The following ASIC2 variants were observed in gnomAD, a reference collection of about 807,000 sequenced individuals.
The protein encoded by ASIC2 is acid sensing ion channel subunit 2, also known as acid-sensing ion channel 2.
Under a neutral mutation model 57.3 loss-of-function variants are expected in ASIC2, and 25 were observed. The observed-to-expected ratio is 0.44, with a 90% CI of 0.32 to 0.61. ASIC2 has a LOEUF of 0.61. Ranked by LOEUF, ASIC2 falls within the 20% of genes least tolerant of loss-of-function variation. The probability of loss-of-function intolerance (pLI) is 0.06; values close to 1 mark genes in which losing one functional copy is unlikely to be tolerated. For synonymous variants in ASIC2, 319 were observed against 307.5 expected (o/e 1.04, Z -0.39); for missense variants, 641 against 738.1 (o/e 0.87, Z 1.52).
rs555442020 is a variant in ASIC2, at chr17:34,032,406, A to G, written c.555+123572T>C. Among the ~76,000 whole-genome samples, 61 of 152,358 alleles carry G rather than the reference A, an allele frequency of 4.0e-4. 1 individual carries two copies. The South Asian group carries it at 0.013, about 32-fold the overall frequency. Reference sequence around the variant, plus strand: ...ACAACCAGTACCAGCTGCTGCAAAAACATGCCAAATTGTAAAAACCATCAA... The same window carrying G: ...ACAACCAGTACCAGCTGCTGCAAAAGCATGCCAAATTGTAAAAACCATCAA... On this transcript the variant is annotated intron_variant, in intron 1 of 9. Transcript: ENST00000359872.
intron 1 of ASIC2, among the ~76,000 whole-genome samples, chr17:33,267,582 C>G (rs1423973276): frequency 6.6e-6 from 1 of 152,216 alleles, no homozygotes; most frequent in Non-Finnish European, 1.5e-5. Flanking sequence ...GGGAAACTTA[C>G]AGCAGAGCCC....
intron 1 of ASIC2, among the ~76,000 whole-genome samples, chr17:33,502,437 G>C (rs886587221): frequency 6.6e-6 from 1 of 152,150 alleles, no homozygotes; most frequent in African/African-American, 2.4e-5. Context: ...GGTTATACCC[G>C]CATTTGGGGC....
intron 1 of ASIC2, among the ~76,000 whole-genome samples, chr17:33,914,717 C>G (rs1190601337): frequency 6.6e-6 from 1 of 152,206 alleles, no homozygotes; most frequent in East Asian, 1.9e-4. Context: ...AAACCCAGGC[C>G]AGTCTGACTC....
At chr17:33,611,876 A>G (rs919713583) in intron 1 of ASIC2, among the ~76,000 whole-genome samples, 3 of 152,220 alleles carry the variant, frequency 2.0e-5, no homozygotes, top group Admixed American at 1.3e-4. Context: ...AGTTCTTACT[A>G]TAAGGAATTG....
At chr17:33,825,040 A>G (rs773202816) in intron 1 of ASIC2, among the ~76,000 whole-genome samples, 1 of 152,114 alleles carries the variant, frequency 6.6e-6, no homozygotes, top group African/African-American at 2.4e-5. Flanking sequence ...CTCTACTTCT[A>G]TCTCTGTATG....
intron 1 of ASIC2, among the ~76,000 whole-genome samples, chr17:33,626,631 T>C (rs1905992777): frequency 6.6e-6 from 1 of 152,182 alleles, no homozygotes; most frequent in South Asian, 2.1e-4. Context: ...TAATCGAAGC[T>C]GTGTTTGTGT....
intron 1 of ASIC2, among the ~76,000 whole-genome samples, chr17:33,435,939 A>G (rs991975752): frequency 1.3e-5 from 2 of 152,266 alleles, no homozygotes; most frequent in African/African-American, 2.4e-5. Context: ...ACCACAAGTC[A>G]GCAATTAGCA....
At chr17:33,714,631 T>C (rs1479930119) in intron 1 of ASIC2, among the ~76,000 whole-genome samples, 1 of 152,088 alleles carries the variant, frequency 6.6e-6, no homozygotes, top group African/African-American at 2.4e-5. Context: ...TCACCCAAGT[T>C]CATGGATCTC....
chr17:33,457,439 G>A (rs1408509674), intron 1 of ASIC2, among the ~76,000 whole-genome samples: 3 of 152,082 alleles, frequency 2.0e-5, no homozygotes, highest in Admixed American at 1.3e-4. Flanking sequence ...CTAGGCAAAT[G>A]ATTTCAAGAC....
intron 1 of ASIC2, among the ~76,000 whole-genome samples, chr17:33,736,109 G>C (rs185544286): frequency 6.6e-6 from 1 of 152,204 alleles, no homozygotes; most frequent in African/African-American, 2.4e-5. Flanking sequence ...TAAGAAAATA[G>C]TGCTCAATAA....
chr17:33,020,702 A>G (rs971492742), intron 7 of ASIC2, among the ~76,000 whole-genome samples: 16 of 152,196 alleles, frequency 1.1e-4, no homozygotes, highest in African/African-American at 3.9e-4. Context: ...TTTGTGTTTG[A>G]CAAATGACTC....
At chr17:33,662,921 T>C (rs1463955753) in intron 1 of ASIC2, among the ~76,000 whole-genome samples, 2 of 152,120 alleles carry the variant, frequency 1.3e-5, no homozygotes, top group Non-Finnish European at 1.5e-5. Context: ...ATCCAATATT[T>C]TTCAAAAGGG....
intron 1 of ASIC2, among the ~76,000 whole-genome samples, chr17:33,662,668 T>TAAAA (rs530248877): frequency 0.27 from 33,889 of 127,854 alleles, 4,565 homozygotes; most frequent in East Asian, 0.46. Flanking sequence ...AATAAATAAA[T>TAAAA]AAGTAAAATA....
chr17:34,123,819 C>T (rs537448045), intron 1 of ASIC2, among the ~76,000 whole-genome samples: 1 of 152,324 alleles, frequency 6.6e-6, no homozygotes, highest in South Asian at 2.1e-4. Context: ...TGCTGGCTTA[C>T]ACCTGTAATC....
At chr17:33,148,747 C>T (rs996871720) in intron 1 of ASIC2, among the ~76,000 whole-genome samples, 1 of 152,084 alleles carries the variant, frequency 6.6e-6, no homozygotes, top group African/African-American at 2.4e-5. Context: ...TTATAAAAGT[C>T]ATAATAAAAC....
intron 3 of ASIC2, among the ~76,000 whole-genome samples, chr17:33,069,919 T>C (rs919461895): frequency 6.6e-6 from 1 of 152,310 alleles, no homozygotes; most frequent in Admixed American, 6.5e-5. Flanking sequence ...CTTTTCTCCC[T>C]TCCCTCATTT....
intron 1 of ASIC2, among the ~76,000 whole-genome samples, chr17:33,782,795 C>T (rs1911494708): frequency 6.6e-6 from 1 of 152,148 alleles, no homozygotes; most frequent in Non-Finnish European, 1.5e-5. Flanking sequence ...GCTTAAAACC[C>T]TTCAGTGCCT....
chr17:33,312,702 A>G (rs1197913159), intron 1 of ASIC2, among the ~76,000 whole-genome samples: 1 of 152,196 alleles, frequency 6.6e-6, no homozygotes, highest in Admixed American at 6.5e-5. Context: ...GGGGAAGTTG[A>G]GGCAGGTGGC....
intron 1 of ASIC2, among the ~76,000 whole-genome samples, chr17:34,137,597 A>C (rs1912160238): frequency 6.6e-6 from 1 of 152,136 alleles, no homozygotes; most frequent in Admixed American, 6.5e-5. Flanking sequence ...CCCCTCTGTA[A>C]GCTCCACCCC....
Sources: gnomAD v4.1 joint callset for allele counts (sites outside exome capture counted in the v4.1 genomes callset) on GRCh38, gnomAD v4.1.1 for gene constraint, MANE v1.5 for transcripts, NCBI Gene and HGNC (gene_info 2026-07-23, HGNC 2026-07-21) for gene names.